TLL2: variants seen among roughly 807,000 people sequenced by gnomAD.
TLL2 encodes the protein tolloid-like protein 2.
TLL2 carries 106 observed loss-of-function variants against 123.0 expected under a neutral mutation model. The observed-to-expected ratio is 0.86, with a 90% CI of 0.74 to 1.01. The LOEUF (loss-of-function observed/expected upper bound fraction) is 1.01, where lower values mean the gene tolerates loss of function less well. TLL2 is among the 50% of genes least tolerant of loss of function. TLL2 has a pLI of 0.00. For synonymous variants in TLL2, 494 were observed against 516.8 expected (o/e 0.96, Z 0.60); for missense variants, 1,332 against 1,336.7 (o/e 1.00, Z 0.06).
At position 96,367,740 on chromosome 10, in the gene TLL2, G is replaced by A. The variant is rs1232594258; in HGVS notation, c.*348C>T. The A allele has an allele frequency of 4.9e-6, 1 of 203,648 alleles. No homozygotes were observed. Among genetic ancestry groups the A allele is most frequent in the East Asian group, 1.1e-4 (1 of 8,994 alleles). 12.6% of individuals were successfully genotyped at this position (203,648 alleles called of 1,614,324 possible). A position where few individuals can be genotyped will look rare whatever the true frequency, so the allele number is the denominator to read the frequency against. ...GCAAGCAAGTCCAGATTAGAGGAACGGCCAACCCCAAGGCTGACCTTTTGC... is the reference window on the plus strand; with the variant it reads ...GCAAGCAAGTCCAGATTAGAGGAACAGCCAACCCCAAGGCTGACCTTTTGC... On this transcript the variant is annotated 3_prime_UTR_variant, in exon 21 of 21. Coordinates refer to ENST00000357947, the MANE Select transcript of TLL2 (RefSeq NM_012465.4).
At chr10:96,393,130 A>C (rs988742111) in intron 13 of TLL2, among the ~76,000 whole-genome samples, 5 of 152,210 alleles carry the variant, frequency 3.3e-5, no homozygotes, top group Non-Finnish European at 7.3e-5. Flanking sequence ...TTAGAACCTC[A>C]AGAAGGAATG....
rs112174762 is a variant in TLL2, at chr10:96,368,346, G to A, written c.2914-124C>T. On this transcript the variant is annotated intron_variant, in intron 20 of 20. Transcript: ENST00000357947. ...GTCTCTGGTACCAGAGACTCTGAAG[G>A]GCATCCAAACAAGCTCCTTTTCAAA... 5 of 1,151,846 alleles carry A rather than the reference G, an allele frequency of 4.3e-6. No homozygotes were observed. The African/African-American group carries it at 6.2e-5, about 14-fold the overall frequency. The allele number at this position is 1,151,846 out of a possible 1,614,324, so 71.4% of individuals were successfully genotyped here. A position where few individuals can be genotyped will look rare whatever the true frequency, so the allele number is the denominator to read the frequency against.
intron 18 of TLL2, chr10:96,375,394 T>C (rs1007731459): frequency 6.6e-6 from 1 of 152,254 alleles, no homozygotes; most frequent in Non-Finnish European, 1.5e-5. Flanking sequence ...CACGTGAGTC[T>C]GTGAGCCTCG....
At chr10:96,425,386 T>C (rs1464544777) in intron 5 of TLL2, among the ~76,000 whole-genome samples, 2 of 152,012 alleles carry the variant, frequency 1.3e-5, no homozygotes, top group Non-Finnish European at 2.9e-5. Context: ...TGTACGTATA[T>C]ATCTATAAAT....
In TLL2 at chr10:96,384,640, A is replaced by C. The variant is rs1322985012; in HGVS notation, c.2141T>G (p.Phe714Cys). The change falls in exon 16 of 21, where the codon TTC becomes TGC. Residue 714 changes from phenylalanine (F) to cysteine (C), a missense_variant. By Grantham distance (205) the Phe-to-Cys change is radical. Coordinates refer to ENST00000357947, the MANE Select transcript of TLL2 (RefSeq NM_012465.4). ...TSQSNNMRVEFKSDNTVSKRG... is the reference protein window; with the variant it reads ...TSQSNNMRVECKSDNTVSKRG... ...CTTGGAGACGGTGTTGTCGGACTTG[A>C]ACTCCACGCGCATGTTGTTGCTCTG... 1.9e-6 allele frequency: 3 copies of C among 1,610,954 alleles called. No individual in the cohort carries two copies. The African/African-American group carries it at 4.0e-5, about 22-fold the overall frequency.
intron 20 of TLL2, 116 bp downstream of exon 20, chr10:96,369,949 G>T: frequency 7.2e-7 from 1 of 1,391,750 alleles, no homozygotes; most frequent in Non-Finnish European, 9.5e-7. Flanking sequence ...GTGCCTCCTC[G>T]CCGTTGCTCC....
At chr10:96,499,058 C>G (rs543679837) in intron 1 of TLL2, among the ~76,000 whole-genome samples, 6 of 152,294 alleles carry the variant, frequency 3.9e-5, no homozygotes, top group African/African-American at 1.2e-4. Context: ...AAACATTGCT[C>G]CTTCACCACT....
intron 16 of TLL2, among the ~76,000 whole-genome samples, chr10:96,384,290 T>G (rs1447123935): frequency 3.3e-5 from 5 of 152,220 alleles, no homozygotes; most frequent in African/African-American, 1.2e-4. Flanking sequence ...CGAGGCAGCA[T>G]GGCCCTGCGA....
chr10:96,467,400 T>C (rs983729587), intron 2 of TLL2, among the ~76,000 whole-genome samples: 3 of 152,134 alleles, frequency 2.0e-5, no homozygotes, highest in Non-Finnish European at 4.4e-5. Flanking sequence ...TATTTACTTT[T>C]ACTTTTTATT....
intron 3 of TLL2, among the ~76,000 whole-genome samples, chr10:96,442,965 T>C (rs988071551): frequency 1.4e-4 from 22 of 152,346 alleles, no homozygotes; most frequent in African/African-American, 5.3e-4. Context: ...CTAAACCTCA[T>C]ACAAGCAGTT....
At chr10:96,468,619 T>G (rs1026210120) in intron 2 of TLL2, among the ~76,000 whole-genome samples, 5 of 152,238 alleles carry the variant, frequency 3.3e-5, no homozygotes, top group Non-Finnish European at 5.9e-5. Context: ...CGTCAGGTAC[T>G]AAACTCTTGT....
intron 9 of TLL2, among the ~76,000 whole-genome samples, chr10:96,406,621 C>G (rs752958172): frequency 4.1e-4 from 62 of 152,262 alleles, no homozygotes; most frequent in Non-Finnish European, 8.4e-4. Flanking sequence ...CCCACCAAAT[C>G]TAAAGGACTG....
At chr10:96,478,297 G>C (rs1165565609) in intron 2 of TLL2, among the ~76,000 whole-genome samples, 3 of 152,222 alleles carry the variant, frequency 2.0e-5, no homozygotes, top group Non-Finnish European at 4.4e-5. Flanking sequence ...AAGCCAGTGA[G>C]ACCCAAACCG....
At chr10:96,405,403 A>T in intron 9 of TLL2, 69 bp from the exon 10 acceptor site, 3 of 1,418,776 alleles carry the variant, frequency 2.1e-6, no homozygotes, top group Non-Finnish European at 3.0e-6. Context: ...TATATCTTGC[A>T]TACTGGTGTT....
intron 2 of TLL2, among the ~76,000 whole-genome samples, 166 bp from the exon 3 acceptor site, chr10:96,446,334 T>C (rs1351798097): frequency 6.6e-6 from 1 of 152,158 alleles, no homozygotes; most frequent in Admixed American, 6.5e-5. Flanking sequence ...GGCCCCACAC[T>C]ATTCTAGATG....
intron 1 of TLL2, among the ~76,000 whole-genome samples, chr10:96,510,660 C>T (rs745350809): frequency 2.6e-5 from 4 of 152,182 alleles, no homozygotes; most frequent in Non-Finnish European, 4.4e-5. Context: ...GGATACACAG[C>T]TTGTAAGTGG....
intron 20 of TLL2, among the ~76,000 whole-genome samples, chr10:96,369,531 C>T (rs1422594071): frequency 6.6e-6 from 1 of 152,120 alleles, no homozygotes. Flanking sequence ...AAGGACGAGG[C>T]AGGTGGATCA....
intron 7 of TLL2, among the ~76,000 whole-genome samples, chr10:96,415,739 G>GTCTC (rs142401265): frequency 1.4e-4 from 4 of 28,068 alleles, no homozygotes; most frequent in Non-Finnish European, 2.2e-4. Flanking sequence ...GTCTCTCTCT[G>GTCTC]TCTCTCTCTC....
At position 96,494,482 on chromosome 10, in the gene TLL2, C is replaced by T. The variant is rs79617330; in HGVS notation, c.176-14023G>A. 3.9e-5 allele frequency among the ~76,000 whole-genome samples: 6 copies of T among 152,156 alleles called. No homozygotes were observed. The South Asian group carries it at 8.3e-4, about 21-fold the overall frequency. On this transcript the variant is annotated intron_variant, in intron 1 of 20. Coordinates refer to ENST00000357947, the MANE Select transcript of TLL2 (RefSeq NM_012465.4). The stretch of plus-strand genomic sequence containing the variant: ...AACCAACAAACACCCGGGTTTTATC[C>T]GAGGAGAGTGGCCTGCAGGCCCACC...
Sources: gnomAD v4.1 joint callset for allele counts (sites outside exome capture counted in the v4.1 genomes callset) on GRCh38, gnomAD v4.1.1 for gene constraint, MANE v1.5 for transcripts, NCBI Gene and HGNC (gene_info 2026-07-23, HGNC 2026-07-21) for gene names.